The following DNM3 variants were observed in gnomAD, a reference collection of about 807,000 sequenced individuals.
The protein encoded by DNM3 is dynamin 3.
In DNM3, 47 loss-of-function variants were observed where a neutral mutation model predicts 101.6. The observed-to-expected ratio is 0.46, with a 90% CI of 0.37 to 0.59. DNM3 has a LOEUF of 0.59. Among genes scored for constraint, DNM3 ranks in the 20% least tolerant of loss-of-function variants. The probability of loss-of-function intolerance (pLI) is 0.00; values close to 1 mark genes in which losing one functional copy is unlikely to be tolerated. For synonymous variants in DNM3, 385 were observed against 387.9 expected (o/e 0.99, Z 0.09); for missense variants, 849 against 1,085.7 (o/e 0.78, Z 3.06).
At chr1:172,069,026 CA>C in intron 11 of DNM3, 121 bp downstream of exon 11, 2 of 696,012 alleles carry the variant, frequency 2.9e-6, no homozygotes, top group South Asian at 3.7e-5. Context: ...TAGTGGAACA[CA>C]ACTACATTAT....
At chr1:172,202,918 T>C (rs1227444697) in intron 14 of DNM3, among the ~76,000 whole-genome samples, 1 of 152,116 alleles carries the variant, frequency 6.6e-6, no homozygotes, top group Non-Finnish European at 1.5e-5. Context: ...AGTGATGATG[T>C]TTATCATTGA....
intron 1 of DNM3, among the ~76,000 whole-genome samples, chr1:171,846,436 G>A (rs1475338356): frequency 4.6e-5 from 7 of 152,148 alleles, no homozygotes; most frequent in Non-Finnish European, 1.0e-4. Context: ...CAGAACCTTG[G>A]AGGAATGGAA....
At chr1:171,991,316 T>G (rs2045615967) in intron 4 of DNM3, among the ~76,000 whole-genome samples, 1 of 152,158 alleles carries the variant, frequency 6.6e-6, no homozygotes, top group East Asian at 1.9e-4. Flanking sequence ...CCACTTCTGA[T>G]GCCAGTTACA....
chr1:172,092,092 T>C (rs2053949066), intron 12 of DNM3, among the ~76,000 whole-genome samples: 1 of 152,098 alleles, frequency 6.6e-6, no homozygotes, highest in African/African-American at 2.4e-5. Context: ...GGAACAGATT[T>C]TAGGGGGGAT....
At chr1:172,360,310 A>ATAGG (rs2067674991) in intron 17 of DNM3, among the ~76,000 whole-genome samples, 2 of 152,154 alleles carry the variant, frequency 1.3e-5, no homozygotes, top group East Asian at 3.9e-4. Flanking sequence ...CTTACATATA[A>ATAGG]TAATAGGTGT....
At chr1:172,173,365 G>A (rs983589184) in intron 14 of DNM3, among the ~76,000 whole-genome samples, 3 of 151,662 alleles carry the variant, frequency 2.0e-5, no homozygotes, top group Non-Finnish European at 3.0e-5. Flanking sequence ...AGAAGAAGAT[G>A]CAGGGGGTGG....
chr1:171,998,720 C>G (rs968056707), intron 4 of DNM3, among the ~76,000 whole-genome samples: 1 of 151,950 alleles, frequency 6.6e-6, no homozygotes, highest in Admixed American at 6.6e-5. Flanking sequence ...AAACAGAATA[C>G]GGGAAGAGAG....
At chr1:172,174,501 T>G (rs1201688324) in intron 14 of DNM3, among the ~76,000 whole-genome samples, 1 of 151,726 alleles carries the variant, frequency 6.6e-6, no homozygotes, top group East Asian at 1.9e-4. Context: ...TTTTTGCTGT[T>G]TGGTTTAGAA....
intron 14 of DNM3, among the ~76,000 whole-genome samples, chr1:172,236,389 G>A (rs960213774): frequency 6.6e-6 from 1 of 152,164 alleles, no homozygotes; most frequent in African/African-American, 2.4e-5. Context: ...AGAGAGAGAA[G>A]GGGTGGTATT....
At chr1:172,219,026 A>G (rs1344428110) in intron 14 of DNM3, among the ~76,000 whole-genome samples, 2 of 152,064 alleles carry the variant, frequency 1.3e-5, no homozygotes, top group Non-Finnish European at 2.9e-5. Context: ...GAGTTTATGT[A>G]ATGTGTTAGG....
intron 14 of DNM3, among the ~76,000 whole-genome samples, chr1:172,140,890 T>C (rs1281858182): frequency 6.6e-6 from 1 of 152,064 alleles, no homozygotes; most frequent in African/African-American, 2.4e-5. Context: ...GAAAACCATA[T>C]TGACCTTTTT....
At chr1:171,863,953 C>T (rs556201762) in intron 1 of DNM3, among the ~76,000 whole-genome samples, 3 of 152,266 alleles carry the variant, frequency 2.0e-5, no homozygotes, top group East Asian at 1.9e-4. Context: ...GAAGAATTAT[C>T]CAGAGTCTGG....
intron 1 of DNM3, among the ~76,000 whole-genome samples, chr1:171,851,828 T>C (rs1048663461): frequency 3.9e-5 from 6 of 152,376 alleles, no homozygotes; most frequent in African/African-American, 1.4e-4. Context: ...AAGGTAGTTA[T>C]AAGTACCACT....
intron 14 of DNM3, among the ~76,000 whole-genome samples, chr1:172,148,396 A>G (rs139779329): frequency 1.3e-5 from 2 of 152,046 alleles, no homozygotes; most frequent in East Asian, 1.9e-4. Flanking sequence ...CTGGTCAAAT[A>G]TTCGTCATGA....
intron 14 of DNM3, among the ~76,000 whole-genome samples, chr1:172,178,266 A>T (rs1342946774): frequency 6.6e-6 from 1 of 151,966 alleles, no homozygotes; most frequent in Non-Finnish European, 1.5e-5. Flanking sequence ...CTGTAATAAG[A>T]AGAAGAAAAA....
chr1:172,361,695 T>G (rs997607318), intron 17 of DNM3, among the ~76,000 whole-genome samples: 1 of 151,950 alleles, frequency 6.6e-6, no homozygotes, highest in South Asian at 2.1e-4. Context: ...AGTGTTAGGT[T>G]CTCTCCTTAC....
chr1:172,357,794 A>C (rs1243821572), intron 17 of DNM3, among the ~76,000 whole-genome samples: 3 of 152,116 alleles, frequency 2.0e-5, no homozygotes, highest in Non-Finnish European at 4.4e-5. Context: ...TTTCAAGATG[A>C]AAATTATTTT....
intron 13 of DNM3, among the ~76,000 whole-genome samples, chr1:172,100,583 T>C (rs1255554931): frequency 2.0e-5 from 3 of 152,240 alleles, no homozygotes; most frequent in Admixed American, 6.5e-5. Flanking sequence ...TTTTAGGGTC[T>C]GTCACTCTTA....
chr1:172,261,787 T>C (rs1437312045), intron 15 of DNM3, among the ~76,000 whole-genome samples: 5 of 152,088 alleles, frequency 3.3e-5, no homozygotes, highest in Non-Finnish European at 5.9e-5. Context: ...CCAGCTGTGG[T>C]GGTAGTGCAA....
Sources: allele counts gnomAD v4.1 joint callset (sites outside exome capture counted in the v4.1 genomes callset), GRCh38; gene constraint gnomAD v4.1.1; transcripts MANE v1.5; gene names NCBI Gene and HGNC (gene_info 2026-07-23, HGNC 2026-07-21).